The following KIF5B variants were observed in gnomAD, a reference collection of about 807,000 sequenced individuals.
The protein encoded by KIF5B is kinesin family member 5B, also known as kinesin-1 heavy chain.
Under a neutral mutation model 132.8 loss-of-function variants are expected in KIF5B, and 49 were observed. The ratio of observed to expected loss-of-function variants is 0.37; its 90% CI spans 0.29 to 0.47. KIF5B has a LOEUF of 0.47. Ranked by LOEUF, KIF5B falls within the 20% of genes least tolerant of loss-of-function variation. The probability of loss-of-function intolerance (pLI) is 1.00; values close to 1 mark genes in which losing one functional copy is unlikely to be tolerated. For missense variants in KIF5B, 780 were observed against 1,144.0 expected, an observed-to-expected ratio of 0.68 and a Z score of 4.59; for synonymous variants, 355 against 369.4, an observed-to-expected ratio of 0.96 and a Z score of 0.45.
intron 15 of KIF5B, among the ~76,000 whole-genome samples, chr10:32,028,149 A>T (rs972313995): frequency 1.6e-4 from 24 of 151,854 alleles, no homozygotes; most frequent in African/African-American, 4.8e-4. Flanking sequence ...TTTTTTGTAG[A>T]GACAGGGTTT....
Position 32,038,761 on chromosome 10 carries a change from G to C in KIF5B, c.442+17C>G, listed in dbSNP as rs1247555885. 7.6e-7 allele frequency: 1 copy of C among 1,309,502 alleles called. No individual in the cohort carries two copies. Among genetic ancestry groups the C allele is most frequent in the Admixed American group, 1.9e-5 (1 of 51,500 alleles). 81.1% of individuals were successfully genotyped at this position (1,309,502 alleles called of 1,614,324 possible). ...AACAGATGTTATTTAAAACTGATTA[G>C]CAAGAATTTAACTTACCATCTAACA... On this transcript the variant is annotated intron_variant, in intron 5 of 25. Coordinates refer to ENST00000302418, the MANE Select transcript of KIF5B (RefSeq NM_004521.3).
At chr10:32,047,636 C>A (rs1182749950) in intron 2 of KIF5B, among the ~76,000 whole-genome samples, 1 of 152,178 alleles carries the variant, frequency 6.6e-6, no homozygotes, top group Non-Finnish European at 1.5e-5. Context: ...TCCCTCACCT[C>A]ATCTATAAAC....
At chr10:32,051,363 T>C (rs1256228697) in intron 1 of KIF5B, among the ~76,000 whole-genome samples, 1 of 152,166 alleles carries the variant, frequency 6.6e-6, no homozygotes, top group Non-Finnish European at 1.5e-5. Flanking sequence ...CTGGCCTCAA[T>C]TTTTACATCA....
chr10:32,028,697 T>C, intron 14 of KIF5B, 126 bp from the exon 15 acceptor site: 1 of 735,176 alleles, frequency 1.4e-6, no homozygotes, highest in African/African-American at 1.8e-5. Flanking sequence ...CTTTCATTTT[T>C]CTTGAACTAT....
intron 16 of KIF5B, 115 bp downstream of exon 16, chr10:32,022,732 GA>G (rs950866092): frequency 1.9e-5 from 13 of 692,224 alleles, no homozygotes; most frequent in Non-Finnish European, 7.1e-6. Flanking sequence ...GCTAGACTAG[GA>G]AAAAAACAAC....
chr10:32,029,583 A>T (rs567456473), intron 14 of KIF5B, among the ~76,000 whole-genome samples: 1 of 152,296 alleles, frequency 6.6e-6, no homozygotes, highest in African/African-American at 2.4e-5. Context: ...GTCTCATAAT[A>T]TAGCATGCTT....
rs773392033 is a variant in KIF5B at position 32,019,852 on chromosome 10, A to C, written c.2306+6T>G. The C allele has an allele frequency of 6.4e-7, 1 of 1,559,252 alleles. No individual in the cohort carries two copies. Among genetic ancestry groups the C allele is most frequent in the Non-Finnish European group, 8.8e-7 (1 of 1,138,478 alleles). On this transcript the variant is annotated splice_donor_region_variant and intron_variant, in intron 20 of 25. Transcript: ENST00000302418. ...TTTTAAACTTTAATTAAAAACAATT[A>C]CTCACGTAAGTTCATGTAGTTTTCT...
intron 15 of KIF5B, among the ~76,000 whole-genome samples, chr10:32,024,397 G>A (rs1426777171): frequency 6.8e-5 from 10 of 147,398 alleles, no homozygotes; most frequent in Admixed American, 2.0e-4. Context: ...CTCGTGATCC[G>A]CCCGCCTCGG....
chr10:32,042,347 C>G (rs766576785), intron 2 of KIF5B, among the ~76,000 whole-genome samples: 1 of 152,112 alleles, frequency 6.6e-6, no homozygotes, highest in Non-Finnish European at 1.5e-5. Flanking sequence ...CCTTCAAAAT[C>G]TTTTTATTTT....
intron 10 of KIF5B, 141 bp downstream of exon 10, chr10:32,035,381 G>T (rs1030265900): frequency 7.3e-5 from 45 of 617,386 alleles, no homozygotes; most frequent in Admixed American, 4.2e-4. Context: ...GACCCACCTT[G>T]TATTATCTGT....
intron 24 of KIF5B, among the ~76,000 whole-genome samples, chr10:32,016,495 A>C (rs1266852948): frequency 6.6e-6 from 1 of 151,900 alleles, no homozygotes; most frequent in African/African-American, 2.4e-5. Flanking sequence ...ATAAAACACA[A>C]AAAAAACACT....
chr10:32,040,644 C>CAA (rs1295189409), intron 2 of KIF5B, among the ~76,000 whole-genome samples, 187 bp from the exon 3 acceptor site: 152 of 149,760 alleles, frequency 1.0e-3, no homozygotes, highest in African/African-American at 3.3e-3. Context: ...CACACACACA[C>CAA]ACACACACAC....
In KIF5B at chr10:32,018,405, G is replaced by A. The variant is rs750602048; in HGVS notation, c.2368-18C>T. 3.8e-6 allele frequency: 6 copies of A among 1,564,752 alleles called. No individual in the cohort carries two copies. The highest frequency in any genetic ancestry group is 1.7e-4 in the Middle Eastern group (1 of 5,810). The stretch of plus-strand genomic sequence containing the variant: ...TCTTTTGCCTTGGATTAAGAACAGC[G>A]ATATTTTTGGAGCTCAGACTTTAAA... On this transcript the variant is annotated intron_variant, in intron 21 of 25. Transcript: ENST00000302418.
At chr10:32,024,159 T>C (rs1168224698) in intron 15 of KIF5B, among the ~76,000 whole-genome samples, 3 of 126,292 alleles carry the variant, frequency 2.4e-5, no homozygotes, top group Admixed American at 7.7e-5. Context: ...TTTTTTTTTT[T>C]TTTTTTTTTT....
chr10:32,055,507 T>A (rs1223886218), intron 1 of KIF5B, among the ~76,000 whole-genome samples: 1 of 141,226 alleles, frequency 7.1e-6, no homozygotes, highest in African/African-American at 2.8e-5. Context: ...ACACCAACAG[T>A]ATCCGTAATT....
At chr10:32,029,333 G>T (rs1841371038) in intron 14 of KIF5B, among the ~76,000 whole-genome samples, 1 of 152,208 alleles carries the variant, frequency 6.6e-6, no homozygotes, top group Non-Finnish European at 1.5e-5. Context: ...TGCTCAACTG[G>T]TAAGTATAAT....
chr10:32,056,216 G>GGCGGCACCGGGGAGAGCGTCC lies in KIF5B; in HGVS notation c.-264_-244dup. The GGCGGCACCGGGGAGAGCGTCC allele has an allele frequency of 2.1e-6, 1 of 485,898 alleles. No homozygotes were observed. The highest frequency in any genetic ancestry group is 3.6e-6 in the Non-Finnish European group (1 of 278,124). 30.1% of individuals were successfully genotyped at this position (485,898 alleles called of 1,614,324 possible). ...TGGCAGCCATGGCGGCGGCAGCGGC[G>GGCGGCACCGGGGAGAGCGTCC]GCGGCACCGGGGAGAGCGTCCGCGG... On this transcript the variant is annotated 5_prime_UTR_variant, in exon 1 of 26. Coordinates refer to ENST00000302418, the MANE Select transcript of KIF5B (RefSeq NM_004521.3).
In KIF5B at chr10:32,021,149, A is replaced by G. The variant is rs748655320; in HGVS notation, c.2095-18T>C. The G allele has an allele frequency of 1.3e-4, 215 of 1,602,818 alleles. No individual in the cohort carries two copies. The highest frequency in any genetic ancestry group is 4.0e-4 in the African/African-American group (30 of 74,578). ...ACAGCTTGCTAAAATTTTGGGGGGG[A>G]AAAGGATGTTAAAGTCAGACTAATC... On this transcript the variant is annotated intron_variant, in intron 18 of 25. Transcript: ENST00000302418.
At position 32,021,019 on chromosome 10, in the gene KIF5B, TA is replaced by T. The variant is rs1194293420; in HGVS notation, c.2204+2del. The T allele has an allele frequency of 1.3e-6, 2 of 1,512,088 alleles. No individual in the cohort carries two copies. Among genetic ancestry groups the T allele is most frequent in the African/African-American group, 2.7e-5 (2 of 72,772 alleles). 93.7% of individuals were successfully genotyped at this position (1,512,088 alleles called of 1,614,324 possible). A position where few individuals can be genotyped will look rare whatever the true frequency, so the allele number is the denominator to read the frequency against. On this transcript the variant is annotated splice_donor_variant, in intron 19 of 25. Transcript: ENST00000302418. LOFTEE classifies it high-confidence loss of function. Reference sequence around the variant, plus strand: ...CTCCTAACTAGAGAAGTATAATACTTACTCTTGAAGATCAGTAATAAGTTTT... The same window carrying T: ...CTCCTAACTAGAGAAGTATAATACTTCTCTTGAAGATCAGTAATAAGTTTT...
Sources: gnomAD v4.1 joint callset for allele counts (sites outside exome capture counted in the v4.1 genomes callset) on GRCh38, gnomAD v4.1.1 for gene constraint, MANE v1.5 for transcripts, NCBI Gene and HGNC (gene_info 2026-07-23, HGNC 2026-07-21) for gene names.